ATP11A: variants seen among roughly 807,000 people sequenced by gnomAD.
ATP11A encodes phospholipid-transporting ATPase IH.
A neutral mutation model predicts 154.4 loss-of-function variants in ATP11A; 81 were observed. The observed-to-expected ratio is 0.52, with a 90% CI of 0.44 to 0.63. The LOEUF (loss-of-function observed/expected upper bound fraction) is 0.63, where lower values mean the gene tolerates loss of function less well. Among genes scored for constraint, ATP11A ranks in the 30% least tolerant of loss-of-function variants. The probability of loss-of-function intolerance (pLI) is 0.00; values close to 1 mark genes in which losing one functional copy is unlikely to be tolerated. For synonymous variants in ATP11A, 623 were observed against 585.9 expected, an observed-to-expected ratio of 1.06 and a Z score of -0.91; for missense variants, 1,316 against 1,474.3, an observed-to-expected ratio of 0.89 and a Z score of 1.76.
intron 1 of ATP11A, among the ~76,000 whole-genome samples, chr13:112,781,806 A>G (rs896965451): frequency 4.6e-5 from 7 of 150,606 alleles, no homozygotes; most frequent in Non-Finnish European, 1.0e-4. Context: ...AAAAAAAAGA[A>G]TTTGAACATT....
intron 27 of ATP11A, among the ~76,000 whole-genome samples, chr13:112,874,250 G>T (rs776658237): frequency 9.9e-5 from 15 of 152,192 alleles, no homozygotes; most frequent in Non-Finnish European, 1.9e-4. Context: ...GAGGTCCTCC[G>T]TGAGTGGGAG....
chr13:112,819,378 G>A lies in ATP11A; in HGVS notation c.645G>A (p.Glu215=), dbSNP rs746598134. 5 of 1,614,084 alleles carry A rather than the reference G, an allele frequency of 3.1e-6. No individual in the cohort carries two copies. Among genetic ancestry groups the A allele is most frequent in the Non-Finnish European group, 4.2e-6 (5 of 1,180,050 alleles). ...EDIGGLHATI[E]CEQPQPDLYK... is the part of the protein sequence containing the mutation. The stretch of plus-strand genomic sequence containing the variant: ...TCGGCGGACTTCACGCCACCATCGA[G>A]TGTGAGCAGCCCCAGCCCGACCTCT... Residue 215 remains glutamate (E), a synonymous_variant, in exon 7 of 30, where the codon GAG becomes GAA. Coordinates refer to ENST00000375645, the MANE Select transcript of ATP11A (RefSeq NM_015205.3).
intron 1 of ATP11A, among the ~76,000 whole-genome samples, chr13:112,762,584 C>T (rs772996751): frequency 6.6e-6 from 1 of 152,208 alleles, no homozygotes; most frequent in Non-Finnish European, 1.5e-5. Flanking sequence ...GAGCCAGCTA[C>T]AGACGGGTGT....
chr13:112,758,890 C>T (rs2076904371), intron 1 of ATP11A, among the ~76,000 whole-genome samples: 1 of 152,228 alleles, frequency 6.6e-6, no homozygotes, highest in African/African-American at 2.4e-5. Context: ...GATGCAGAAG[C>T]AGCCACCAGC....
chr13:112,779,135 AGTG>A (rs2077429945), intron 1 of ATP11A, among the ~76,000 whole-genome samples: 1 of 101,158 alleles, frequency 9.9e-6, no homozygotes, highest in African/African-American at 4.1e-5. Context: ...TAGCCGCTGG[AGTG>A]AGTAGCCGCT....
chr13:112,717,412 A>G (rs2139608654), intron 1 of ATP11A: 1 of 152,282 alleles, frequency 6.6e-6, no homozygotes, highest in African/African-American at 2.4e-5. Context: ...GTTGTTCAAG[A>G]GGGCGTGTGG....
At chr13:112,698,961 C>G (rs535038484) in intron 1 of ATP11A, among the ~76,000 whole-genome samples, 10 of 152,312 alleles carry the variant, frequency 6.6e-5, no homozygotes, top group East Asian at 1.9e-4. Flanking sequence ...CTCCTGACCT[C>G]AAATGATCCA....
chr13:112,802,749 A>C (rs973875431), intron 2 of ATP11A, among the ~76,000 whole-genome samples: 1 of 152,212 alleles, frequency 6.6e-6, no homozygotes, highest in African/African-American at 2.4e-5. Context: ...AACACTGTTC[A>C]TGAAAGGAAA....
At chr13:112,722,272 G>T (rs1889287786) in intron 1 of ATP11A, among the ~76,000 whole-genome samples, 1 of 150,848 alleles carries the variant, frequency 6.6e-6, no homozygotes, top group Non-Finnish European at 1.5e-5. Flanking sequence ...GTGGGCCGGC[G>T]GGGGGTAGGG....
intron 1 of ATP11A, among the ~76,000 whole-genome samples, chr13:112,769,452 C>T (rs930056195): frequency 7.2e-5 from 11 of 152,218 alleles, no homozygotes; most frequent in Non-Finnish European, 1.5e-4. Context: ...CAGCTGTGGC[C>T]TCTTTGCTGC....
chr13:112,696,013 G>A lies in ATP11A; in HGVS notation c.39+5558G>A, dbSNP rs760741044. On this transcript the variant is annotated intron_variant, in intron 1 of 29. Transcript: ENST00000375645. This position sits in a 1 kb window ranked among gnomAD's most constrained non-coding sequence, Gnocchi z 6.2. ...AATGGTACATCCCAGAGGTGCCGAG[G>A]TTAGGCGTCGGAGTCTGACAGACCC... is the stretch of plus-strand genomic sequence containing the variant. Among the ~76,000 whole-genome samples, 5 of 152,226 alleles carry A rather than the reference G, an allele frequency of 3.3e-5. No individual in the cohort carries two copies. The highest frequency in any genetic ancestry group is 7.2e-5 in the African/African-American group (3 of 41,464).
chr13:112,839,630 A>C (rs139048836), intron 16 of ATP11A, among the ~76,000 whole-genome samples: 4 of 152,262 alleles, frequency 2.6e-5, no homozygotes, highest in African/African-American at 9.6e-5. Context: ...GTGTTCGGTT[A>C]TGTCACCTGT....
In ATP11A at chr13:112,763,057, C is replaced by T. The variant is rs150041716; in HGVS notation, c.40-22078C>T. Among the ~76,000 whole-genome samples the T allele has an allele frequency of 2.6e-3, 391 of 152,362 alleles. 3 individuals carry two copies. The highest frequency in any genetic ancestry group is 7.6e-3 in the African/African-American group (318 of 41,590). ...AAGCGCATCCCTGAGCAGCCCTGCG[C>T]GGTGGCTGAGTGCCTGCGTCCAGGG... On this transcript the variant is annotated intron_variant, in intron 1 of 29. Coordinates refer to ENST00000375645, the MANE Select transcript of ATP11A (RefSeq NM_015205.3).
Position 112,696,186 on chromosome 13 carries a change from T to C in ATP11A, c.39+5731T>C, listed in dbSNP as rs1387810841. Among the ~76,000 whole-genome samples, 2 of 152,174 alleles carry C rather than the reference T, an allele frequency of 1.3e-5. No homozygotes were observed. The highest frequency in any genetic ancestry group is 2.4e-5 in the African/African-American group (1 of 41,418). On this transcript the variant is annotated intron_variant, in intron 1 of 29. Coordinates refer to ENST00000375645, the MANE Select transcript of ATP11A (RefSeq NM_015205.3). The surrounding 1 kb of genome is among the most constrained non-coding windows in gnomAD (Gnocchi z 6.2). ...GTGACGGGACAGGTCACGGCGCTCGTGCACGCTGGGTGCCCAGTGCACGGG... is the reference window on the plus strand; with the variant it reads ...GTGACGGGACAGGTCACGGCGCTCGCGCACGCTGGGTGCCCAGTGCACGGG...
At position 112,855,979 on chromosome 13, in the gene ATP11A, C is replaced by T; in HGVS notation, c.2312C>T (p.Pro771Leu). 6.2e-7 allele frequency: 1 copy of T among 1,614,222 alleles called. No homozygotes were observed. The highest frequency in any genetic ancestry group is 8.5e-7 in the Non-Finnish European group (1 of 1,180,050). The change falls in exon 20 of 30, where the codon CCT becomes CTT. Residue 771 changes from proline (P) to leucine (L), a missense_variant. Coordinates refer to ENST00000375645, the MANE Select transcript of ATP11A (RefSeq NM_015205.3). ...GCTGCACTGTCTCTGATAATGAAGC[C>T]TCGAGAAGACGGGAGTTCCGGCAAC... ...DGAALSLIMKPREDGSSGNYR... is the reference protein window; with the variant it reads ...DGAALSLIMKLREDGSSGNYR...
rs1884990434 is a variant in ATP11A, at chr13:112,690,299, C to G, written c.-118C>G. On this transcript the variant is annotated 5_prime_UTR_variant, in exon 1 of 30. Transcript: ENST00000375645. The surrounding 1 kb of genome is among the most constrained non-coding windows in gnomAD (Gnocchi z 5.6). ...CGCGGCCGCCCCCTGCACCGCCCGG[C>G]GCGCCGAGGCCGTGACCGGAGCGGG... 1.4e-6 allele frequency: 1 copy of G among 719,438 alleles called. No homozygotes were observed. The highest frequency in any genetic ancestry group is 1.8e-6 in the Non-Finnish European group (1 of 562,218). The allele number at this position is 719,438 out of a possible 1,614,324, so 44.6% of individuals were successfully genotyped here. A position where few individuals can be genotyped will look rare whatever the true frequency, so the allele number is the denominator to read the frequency against.
At chr13:112,871,332 T>C (rs2080514107) in intron 25 of ATP11A, among the ~76,000 whole-genome samples, 2 of 152,048 alleles carry the variant, frequency 1.3e-5, no homozygotes, top group South Asian at 4.1e-4. Context: ...AAAAAGGAGG[T>C]TTGCGTGTAC....
intron 1 of ATP11A, among the ~76,000 whole-genome samples, chr13:112,720,438 T>C (rs1227145423): frequency 6.6e-6 from 1 of 152,236 alleles, no homozygotes; most frequent in African/African-American, 2.4e-5. Context: ...GGGTTACCTG[T>C]GGGGTGCGTT....
chr13:112,878,018 C>T (rs1417791323), intron 28 of ATP11A, among the ~76,000 whole-genome samples, 199 bp from the exon 29 acceptor site: 1 of 148,552 alleles, frequency 6.7e-6, no homozygotes, highest in African/African-American at 2.5e-5. Context: ...GAGGGGCTGG[C>T]GGGTCACGGT....
Sources: gnomAD v4.1 joint callset for allele counts (sites outside exome capture counted in the v4.1 genomes callset) on GRCh38, gnomAD v4.1.1 for gene constraint, Gnocchi (gnomAD v3.1) non-coding constraint, MANE v1.5 for transcripts, NCBI Gene and HGNC (gene_info 2026-07-23, HGNC 2026-07-21) for gene names.